MFHAS1: variants seen among roughly 807,000 people sequenced by gnomAD.
MFHAS1 encodes the protein multifunctional ROCO family signaling regulator 1.
A neutral mutation model predicts 70.4 loss-of-function variants in MFHAS1; 50 were observed. The observed-to-expected ratio is 0.71, with a 90% CI of 0.57 to 0.90. The LOEUF is 0.90. Among genes scored for constraint, MFHAS1 ranks in the 40% least tolerant of loss-of-function variants. The pLI, the probability that MFHAS1 is intolerant of heterozygous loss-of-function variation, is 0.00. For synonymous variants in MFHAS1, 952 were observed against 620.0 expected, an observed-to-expected ratio of 1.54 and a Z score of -7.96; for missense variants, 1,795 against 1,347.6, an observed-to-expected ratio of 1.33 and a Z score of -5.20.
At chr8:8,832,425 TCACACACACACACA>T (rs35913215) in intron 1 of MFHAS1, among the ~76,000 whole-genome samples, 9 of 143,604 alleles carry the variant, frequency 6.3e-5, no homozygotes, top group African/African-American at 2.4e-4. Flanking sequence ...ACAAGATACT[TCACACACACACACA>T]CACACACACA....
At chr8:8,841,389 C>T (rs1056320179) in intron 1 of MFHAS1, among the ~76,000 whole-genome samples, 5 of 151,898 alleles carry the variant, frequency 3.3e-5, no homozygotes, top group African/African-American at 1.2e-4. Flanking sequence ...GCAGGAGAAT[C>T]GCTTGAACCC....
At position 8,891,036 on chromosome 8, in the gene MFHAS1, G is replaced by A; in HGVS notation, c.2023C>T (p.Gln675Ter). 1.2e-6 allele frequency: 2 copies of A among 1,613,668 alleles called. No homozygotes were observed. The highest frequency in any genetic ancestry group is 1.7e-6 in the Non-Finnish European group (2 of 1,179,888). The change falls in exon 1 of 3, where the codon CAG becomes TAG. Residue 675 changes from glutamine to a stop codon, truncating the protein, a stop_gained. Coordinates refer to ENST00000276282, the MANE Select transcript of MFHAS1 (RefSeq NM_004225.3). LOFTEE classifies it high-confidence loss of function. The surrounding 1 kb of genome is among the most constrained non-coding windows in gnomAD (Gnocchi z 5.4). ...VLEELHFQPP[Q>*]AQRLWLSWWD... The stretch of plus-strand genomic sequence containing the variant: ...CAGCTTAGCCACAGTCGCTGGGCCT[G>A]AGGTGGCTGGAAATGCAGTTCCTCC...
chr8:8,858,043 A>T (rs1585055575), intron 1 of MFHAS1, among the ~76,000 whole-genome samples: 1 of 152,346 alleles, frequency 6.6e-6, no homozygotes, highest in East Asian at 1.9e-4. Context: ...ACTGGTGTTC[A>T]CTGATCTGGG....
At chr8:8,869,247 T>G (rs1808977140) in intron 1 of MFHAS1, among the ~76,000 whole-genome samples, 1 of 152,134 alleles carries the variant, frequency 6.6e-6, no homozygotes, top group African/African-American at 2.4e-5. Flanking sequence ...CAAAACCCGA[T>G]CATCCTGCAC....
chr8:8,839,556 C>A (rs535314046), intron 1 of MFHAS1, among the ~76,000 whole-genome samples: 40 of 152,306 alleles, frequency 2.6e-4, no homozygotes, highest in African/African-American at 9.4e-4. Flanking sequence ...CTTGCCTTAA[C>A]CCTCCATTTC....
intron 1 of MFHAS1, among the ~76,000 whole-genome samples, chr8:8,802,995 T>C (rs1806134487): frequency 6.6e-6 from 1 of 152,144 alleles, no homozygotes; most frequent in Admixed American, 6.5e-5. Flanking sequence ...GCATAGCCAC[T>C]AACAAGTCAG....
intron 1 of MFHAS1, among the ~76,000 whole-genome samples, chr8:8,853,961 T>G (rs887889656): frequency 6.6e-6 from 1 of 152,236 alleles, no homozygotes; most frequent in Non-Finnish European, 1.5e-5. Context: ...AATTCCCATG[T>G]TGCATTCCAT....
intron 1 of MFHAS1, among the ~76,000 whole-genome samples, chr8:8,873,325 T>C (rs542984126): frequency 1.3e-5 from 2 of 152,118 alleles, no homozygotes; most frequent in Admixed American, 6.5e-5. Context: ...TAGCATGAAA[T>C]GAAGGATTTT....
chr8:8,879,174 C>A (rs1020818518), intron 1 of MFHAS1, among the ~76,000 whole-genome samples: 1 of 152,074 alleles, frequency 6.6e-6, no homozygotes, highest in Non-Finnish European at 1.5e-5. Flanking sequence ...CACGATGAAA[C>A]CCCGTCTCTA....
chr8:8,846,183 G>A (rs1467290564), intron 1 of MFHAS1, among the ~76,000 whole-genome samples: 1 of 149,492 alleles, frequency 6.7e-6, no homozygotes, highest in Admixed American at 6.7e-5. Flanking sequence ...AACCTGGGAG[G>A]TGGAGGCTGC....
chr8:8,827,199 T>C (rs1807195571), intron 1 of MFHAS1, among the ~76,000 whole-genome samples: 1 of 152,218 alleles, frequency 6.6e-6, no homozygotes, highest in African/African-American at 2.4e-5. Flanking sequence ...CTACAGATGG[T>C]CATATAAGCT....
chr8:8,787,713 G>C (rs1021368108), intron 2 of MFHAS1, among the ~76,000 whole-genome samples: 19 of 152,226 alleles, frequency 1.2e-4, no homozygotes, highest in Admixed American at 1.2e-3. Context: ...AACTTTGGTG[G>C]TGTGAGTTTT....
rs1039170184 is a variant in MFHAS1, at chr8:8,786,416, C to T, written c.3126-361G>A. On this transcript the variant is annotated intron_variant, in intron 2 of 2. Coordinates refer to ENST00000276282, the MANE Select transcript of MFHAS1 (RefSeq NM_004225.3). ...CGGAACTGTTTCCTTTCAATAAACA[C>T]ACACGGTCACACGCAGACACACACC... is the stretch of plus-strand genomic sequence containing the variant. 4.6e-5 allele frequency among the ~76,000 whole-genome samples: 7 copies of T among 152,288 alleles called. No homozygotes were observed. In the East Asian group the frequency reaches 1.3e-3, roughly 29 times the overall value.
At chr8:8,798,832 A>C (rs903211576) in intron 1 of MFHAS1, among the ~76,000 whole-genome samples, 8 of 152,150 alleles carry the variant, frequency 5.3e-5, no homozygotes, top group Non-Finnish European at 1.0e-4. Flanking sequence ...GTGGATCACA[A>C]GGTCAGGAGT....
At chr8:8,822,927 T>C (rs1412298145) in intron 1 of MFHAS1, among the ~76,000 whole-genome samples, 1 of 151,674 alleles carries the variant, frequency 6.6e-6, no homozygotes, top group Non-Finnish European at 1.5e-5. Context: ...AACCAGAAAA[T>C]CAGGACAGGA....
At chr8:8,834,100 T>C (rs1250302793) in intron 1 of MFHAS1, among the ~76,000 whole-genome samples, 1 of 150,956 alleles carries the variant, frequency 6.6e-6, no homozygotes, top group Admixed American at 6.7e-5. Context: ...CACTCCAGCC[T>C]GGGCAACCGA....
intron 1 of MFHAS1, among the ~76,000 whole-genome samples, chr8:8,828,596 C>G (rs1394202127): frequency 1.3e-5 from 2 of 152,210 alleles, no homozygotes; most frequent in Non-Finnish European, 2.9e-5. Context: ...GGAATATCAA[C>G]TAGACCACTC....
At chr8:8,880,186 AG>A (rs1423653061) in intron 1 of MFHAS1, among the ~76,000 whole-genome samples, 2 of 152,172 alleles carry the variant, frequency 1.3e-5, no homozygotes, top group African/African-American at 4.8e-5. Context: ...CTCCAGGCCT[AG>A]CCCCAAAACC....
At chr8:8,836,642 T>A (rs1202255770) in intron 1 of MFHAS1, among the ~76,000 whole-genome samples, 1 of 152,166 alleles carries the variant, frequency 6.6e-6, no homozygotes, top group Non-Finnish European at 1.5e-5. Flanking sequence ...TCTCCCAAAG[T>A]GTTGAGATTA....
Sources: gnomAD v4.1 joint callset for allele counts (sites outside exome capture counted in the v4.1 genomes callset) on GRCh38, gnomAD v4.1.1 for gene constraint, Gnocchi (gnomAD v3.1) non-coding constraint, MANE v1.5 for transcripts, NCBI Gene and HGNC (gene_info 2026-07-23, HGNC 2026-07-21) for gene names.